The following HDAC1 variants were observed in gnomAD, a reference collection of about 807,000 sequenced individuals.
The protein encoded by HDAC1 is histone deacetylase 1, also known as protein deacetylase HDAC1.
Under a neutral mutation model 65.5 loss-of-function variants are expected in HDAC1, and 18 were observed. That is an observed-to-expected ratio of 0.27 (90% confidence interval 0.19 to 0.41). The LOEUF is 0.41. Ranked by LOEUF, HDAC1 falls within the 10% of genes least tolerant of loss-of-function variation. The probability of loss-of-function intolerance (pLI) is 1.00; values close to 1 mark genes in which losing one functional copy is unlikely to be tolerated. For synonymous variants in HDAC1, 211 were observed against 227.9 expected, an observed-to-expected ratio of 0.93 and a Z score of 0.67; for missense variants, 373 against 625.2, an observed-to-expected ratio of 0.60 and a Z score of 4.30.
intron 1 of HDAC1, among the ~76,000 whole-genome samples, chr1:32,293,320 TA>T (rs551512691): frequency 0.065 from 7,860 of 121,564 alleles, 615 homozygotes; most frequent in African/African-American, 0.21. Flanking sequence ...GGCTCTGTCT[TA>T]AAAAAAAAAA....
chr1:32,307,170 G>C (rs1452737184), intron 2 of HDAC1, among the ~76,000 whole-genome samples: 1 of 152,090 alleles, frequency 6.6e-6, no homozygotes, highest in Non-Finnish European at 1.5e-5. Context: ...ATTTGAACCT[G>C]GGAGGCAGAG....
At chr1:32,325,132 C>T (rs906490420) in intron 4 of HDAC1, among the ~76,000 whole-genome samples, 6 of 152,172 alleles carry the variant, frequency 3.9e-5, no homozygotes, top group Middle Eastern at 3.4e-3. Context: ...AGATGCTGTA[C>T]GTAAAAGCAA....
At chr1:32,301,204 T>C (rs1177354306) in intron 1 of HDAC1, among the ~76,000 whole-genome samples, 1 of 151,830 alleles carries the variant, frequency 6.6e-6, no homozygotes, top group African/African-American at 2.4e-5. Flanking sequence ...CCCAGCACTT[T>C]GGGAGGCCGA....
At chr1:32,293,201 T>A (rs1245589240) in intron 1 of HDAC1, among the ~76,000 whole-genome samples, 2 of 150,744 alleles carry the variant, frequency 1.3e-5, no homozygotes, top group Non-Finnish European at 3.0e-5. Flanking sequence ...GCGCCTGTAA[T>A]CCCAGCTACT....
chr1:32,329,892 G>A lies in HDAC1; in HGVS notation c.730-686G>A, dbSNP rs1340572356. On this transcript the variant is annotated intron_variant, in intron 7 of 13. Coordinates refer to ENST00000373548, the MANE Select transcript of HDAC1 (RefSeq NM_004964.3). The surrounding 1 kb of genome is among the most constrained non-coding windows in gnomAD (Gnocchi z 4.1). ...AGTAGAAGGAATGGCACTAGCAGAA[G>A]TGCAGAGGTGCCAGTGTGGCAGCAT... is the stretch of plus-strand genomic sequence containing the variant. The A allele has an allele frequency of 6.4e-6, 1 of 157,348 alleles. No homozygotes were observed. Among genetic ancestry groups the A allele is most frequent in the East Asian group, 1.9e-4 (1 of 5,306 alleles). The allele number at this position is 157,348 out of a possible 1,614,324, so 9.7% of individuals were successfully genotyped here.
intron 1 of HDAC1, among the ~76,000 whole-genome samples, 155 bp from the exon 2 acceptor site, chr1:32,302,466 C>A (rs74064094): frequency 6.2e-5 from 5 of 80,580 alleles, no homozygotes; most frequent in East Asian, 4.0e-4. Flanking sequence ...TTTTTTTTTT[C>A]TTTTGGAGTT....
At chr1:32,312,036 G>A (rs555689922) in intron 2 of HDAC1, among the ~76,000 whole-genome samples, 2 of 152,154 alleles carry the variant, frequency 1.3e-5, no homozygotes, top group African/African-American at 4.8e-5. Flanking sequence ...TTAGAAACAG[G>A]GTCTCACTGT....
At chr1:32,304,547 C>A (rs551978738) in intron 2 of HDAC1, among the ~76,000 whole-genome samples, 1 of 152,100 alleles carries the variant, frequency 6.6e-6, no homozygotes, top group African/African-American at 2.4e-5. Context: ...TACAGGCAGG[C>A]ACCACCATGC....
In HDAC1 at chr1:32,331,490, C is replaced by T. The variant is rs200472223; in HGVS notation, c.996C>T (p.Asp332=). The T allele has an allele frequency of 1.9e-4, 298 of 1,606,754 alleles. No homozygotes were observed. Among genetic ancestry groups the T allele is most frequent in the Non-Finnish European group, 2.4e-4 (282 of 1,173,306 alleles). The part of the protein sequence containing the change: ...TEIPNELPYN[D]YFEYFGPDFK... Reference sequence around the variant, plus strand: ...CCCAATCAGAGCTTCCATACAATGACTACTTTGAATACTTTGGACCAGATT... The same window carrying T: ...CCCAATCAGAGCTTCCATACAATGATTACTTTGAATACTTTGGACCAGATT... Residue 332 remains aspartate (D), a synonymous_variant, in exon 10 of 14, where the codon GAC becomes GAT. Transcript: ENST00000373548. This position sits in a 1 kb window ranked among gnomAD's most constrained non-coding sequence, Gnocchi z 4.2.
At chr1:32,296,841 G>A (rs1009356028) in intron 1 of HDAC1, among the ~76,000 whole-genome samples, 1 of 152,226 alleles carries the variant, frequency 6.6e-6, no homozygotes, top group African/African-American at 2.4e-5. Flanking sequence ...GGGACTAGTA[G>A]TGATGGAGCT....
At chr1:32,318,650 A>G (rs1265855763) in intron 3 of HDAC1, among the ~76,000 whole-genome samples, 5 of 152,096 alleles carry the variant, frequency 3.3e-5, no homozygotes, top group African/African-American at 9.7e-5. Context: ...TCTACCCTCA[A>G]TGAATTGCTT....
rs774102185 is a variant in HDAC1, at chr1:32,310,854, A to AT, written c.163-5811_163-5810insT. Reference sequence around the variant, plus strand: ...ACAAGAGTGAAAGTCGGTGAAAAAAAGAAAAAAAAAATAGAGAGACAGAAA... The same window carrying AT: ...ACAAGAGTGAAAGTCGGTGAAAAAAATGAAAAAAAAAATAGAGAGACAGAAA... On this transcript the variant is annotated intron_variant, in intron 2 of 13. Transcript: ENST00000373548. 3.9e-3 allele frequency among the ~76,000 whole-genome samples: 585 copies of AT among 151,642 alleles called. 5 individuals carry two copies. Among genetic ancestry groups the AT allele is most frequent in the African/African-American group, 0.013 (550 of 41,174 alleles).
rs750969533 is a variant in HDAC1, at chr1:32,331,838, C to T, written c.1219+32C>T. 1 of 1,574,228 alleles carries T rather than the reference C, an allele frequency of 6.4e-7. No homozygotes were observed. The highest frequency in any genetic ancestry group is 8.6e-7 in the Non-Finnish European group (1 of 1,158,354). ...CCCAGACCTAGAGCCCTATGCCTTC[C>T]ATTCAATAGGCAGCTCACACTTCCA... On this transcript the variant is annotated intron_variant, in intron 11 of 13. Transcript: ENST00000373548. The surrounding 1 kb of genome is among the most constrained non-coding windows in gnomAD (Gnocchi z 4.2).
chr1:32,309,881 G>A (rs1217747895), intron 2 of HDAC1, among the ~76,000 whole-genome samples: 1 of 152,064 alleles, frequency 6.6e-6, no homozygotes, highest in Non-Finnish European at 1.5e-5. Flanking sequence ...TAAAGGTTGA[G>A]TAGAGGGTGT....
chr1:32,329,004 C>T lies in HDAC1; in HGVS notation c.637-64C>T. ...GAACCTCTTCCTTTATCCCTCCAGCCCCTATCCTTGACCTTCCTTCAAGCT... is the reference window on the plus strand; with the variant it reads ...GAACCTCTTCCTTTATCCCTCCAGCTCCTATCCTTGACCTTCCTTCAAGCT... On this transcript the variant is annotated intron_variant, in intron 6 of 13. Coordinates refer to ENST00000373548, the MANE Select transcript of HDAC1 (RefSeq NM_004964.3). This position sits in a 1 kb window ranked among gnomAD's most constrained non-coding sequence, Gnocchi z 4.1. 2 of 967,532 alleles carry T rather than the reference C, an allele frequency of 2.1e-6. No homozygotes were observed. Among genetic ancestry groups the T allele is most frequent in the Non-Finnish European group, 3.4e-6 (2 of 591,002 alleles). The allele number at this position is 967,532 out of a possible 1,614,324, so 59.9% of individuals were successfully genotyped here. A position where few individuals can be genotyped will look rare whatever the true frequency, so the allele number is the denominator to read the frequency against.
intron 2 of HDAC1, among the ~76,000 whole-genome samples, chr1:32,314,492 C>G (rs571644271): frequency 6.6e-6 from 1 of 152,142 alleles, no homozygotes; most frequent in Non-Finnish European, 1.5e-5. Context: ...TGCACCCAGC[C>G]CAATAATGAT....
intron 1 of HDAC1, among the ~76,000 whole-genome samples, chr1:32,293,923 C>T (rs1055792681): frequency 2.0e-5 from 3 of 148,400 alleles, no homozygotes; most frequent in Non-Finnish European, 3.0e-5. Flanking sequence ...AAAAAATTAG[C>T]GAGGTGTGGT....
intron 6 of HDAC1, 85 bp from the exon 7 acceptor site, chr1:32,328,983 C>G (rs971706842): frequency 2.4e-6 from 2 of 849,520 alleles, no homozygotes; most frequent in African/African-American, 3.3e-5. Flanking sequence ...TCTCTTGAAC[C>G]TCTTCCTTTA....
intron 1 of HDAC1, among the ~76,000 whole-genome samples, chr1:32,300,608 T>C (rs1025955676): frequency 6.6e-6 from 1 of 151,810 alleles, no homozygotes; most frequent in Admixed American, 6.6e-5. Context: ...TGTATACAAA[T>C]TGCATGTAGA....
Sources: allele counts gnomAD v4.1 joint callset (sites outside exome capture counted in the v4.1 genomes callset), GRCh38; gene constraint gnomAD v4.1.1; non-coding constraint Gnocchi (gnomAD v3.1); transcripts MANE v1.5; gene names NCBI Gene and HGNC (gene_info 2026-07-23, HGNC 2026-07-21).